Variants in RANBP2 observed in about 807,000 individuals in gnomAD.
RANBP2 encodes RAN binding protein 2.
In RANBP2, 57 loss-of-function variants were observed where a neutral mutation model predicts 303.6. The ratio of observed to expected loss-of-function variants is 0.19; its 90% CI spans 0.15 to 0.23. The LOEUF (loss-of-function observed/expected upper bound fraction) is 0.23, where lower values mean the gene tolerates loss of function less well. Ranked by LOEUF, RANBP2 falls within the 10% of genes least tolerant of loss-of-function variation. The pLI, the probability that RANBP2 is intolerant of heterozygous loss-of-function variation, is 1.00. For synonymous variants in RANBP2, 1,167 were observed against 1,301.5 expected (o/e 0.90, Z 2.23); for missense variants, 3,138 against 3,780.8 (o/e 0.83, Z 4.46).
At chr2:109,111,826 C>T in the RANBP2 span, among the ~76,000 whole-genome samples, 1 of 143,158 alleles carries the variant, frequency 7.0e-6, no homozygotes, top group Admixed American at 7.1e-5. Context: ...TGTTCCCCTT[C>T]CTGTGTCCAT....
the RANBP2 span, among the ~76,000 whole-genome samples, chr2:109,381,864 A>G: frequency 6.6e-6 from 1 of 152,098 alleles, no homozygotes; most frequent in Non-Finnish European, 1.5e-5. Context: ...AAAGCTGTGC[A>G]TGTTTATAAG....
At chr2:108,753,714 G>A (rs1676085873) in intron 14 of RANBP2, 111 bp from the exon 15 acceptor site, 1 of 1,586,812 alleles carries the variant, frequency 6.3e-7, no homozygotes, top group Admixed American at 1.8e-5. Flanking sequence ...CGATTCTTGT[G>A]CCTCAGCTCC....
chr2:108,765,971 A>C lies in RANBP2; in HGVS notation c.5432A>C (p.His1811Pro), dbSNP rs774595760. ...GCTTGTGATGCCTCTAAACCAACTCATAAACCTATTGCAGAAGCTCCTTCA... is the reference window on the plus strand; with the variant it reads ...GCTTGTGATGCCTCTAAACCAACTCCTAAACCTATTGCAGAAGCTCCTTCA... ...CVACDASKPT[H>P]KPIAEAPSAF... is the part of the protein sequence containing the mutation. The change falls in exon 20 of 29, where the codon CAT becomes CCT. Residue 1811 changes from histidine to proline, a missense_variant. Transcript: ENST00000283195. 3.7e-6 allele frequency: 6 copies of C among 1,614,058 alleles called. No individual in the cohort carries two copies. The African/African-American group carries it at 8.0e-5, about 22-fold the overall frequency.
At chr2:108,773,177 G>T (rs1282504830) in intron 23 of RANBP2, 131 bp downstream of exon 23, 1 of 944,692 alleles carries the variant, frequency 1.1e-6, no homozygotes, top group Non-Finnish European at 1.6e-6. Context: ...GAGTGCAATG[G>T]CATGCTCGTG....
chr2:109,575,585 C>T, the RANBP2 span, among the ~76,000 whole-genome samples: 3 of 152,184 alleles, frequency 2.0e-5, no homozygotes, highest in Admixed American at 1.3e-4. Flanking sequence ...TAATGCTGTT[C>T]CAAGAATGGT....
At chr2:108,797,728 C>T in the RANBP2 span, among the ~76,000 whole-genome samples, 1 of 152,098 alleles carries the variant, frequency 6.6e-6, no homozygotes, top group Non-Finnish European at 1.5e-5. Context: ...TTTTCTTATG[C>T]TGTCTTCTGT....
the RANBP2 span, chr2:108,798,610 A>C: frequency 2.7e-4 from 406 of 1,524,758 alleles, 2 homozygotes; most frequent in African/African-American, 4.9e-3. Context: ...CTTTGATTTT[A>C]GAGTGGTATA....
the RANBP2 span, among the ~76,000 whole-genome samples, chr2:109,598,566 G>A: frequency 6.6e-6 from 1 of 152,034 alleles, no homozygotes; most frequent in African/African-American, 2.4e-5. Flanking sequence ...CGGGAGGCCG[G>A]GCGTGGTGGC....
the RANBP2 span, among the ~76,000 whole-genome samples, chr2:109,006,224 C>T: frequency 5.3e-5 from 8 of 151,838 alleles, no homozygotes; most frequent in African/African-American, 1.7e-4. Context: ...GACAGAGTCT[C>T]GCACTGTCGC....
the RANBP2 span, among the ~76,000 whole-genome samples, chr2:109,056,862 C>T: frequency 3.9e-5 from 6 of 152,290 alleles, no homozygotes; most frequent in Middle Eastern, 3.4e-3. Flanking sequence ...ACATGGTCCT[C>T]CCAAGACCAA....
Position 108,772,504 on chromosome 2 carries a change from C to T in RANBP2, c.8036C>T (p.Thr2679Ile). The T allele has an allele frequency of 6.2e-7, 1 of 1,613,280 alleles. No homozygotes were observed. The highest frequency in any genetic ancestry group is 1.1e-5 in the South Asian group (1 of 90,998). ...EEEEDDEDFE[T>I]AVKKLNGKLY... ...GTATTTTAAGATGAAGATTTCGAAACAGCTGTCAAGAAACTTAATGGAAAA... is the reference window on the plus strand; with the variant it reads ...GTATTTTAAGATGAAGATTTCGAAATAGCTGTCAAGAAACTTAATGGAAAA... The change falls in exon 22 of 29, where the codon ACA (threonine) becomes ATA (isoleucine). Residue 2679 changes from threonine to isoleucine, a missense_variant. Around this residue, in one of 20 missense-constraint regions of RANBP2, gnomAD observed 497 missense variants for 465.8 expected, o/e 1.07. Transcript: ENST00000283195.
chr2:109,534,469 C>T, the RANBP2 span, among the ~76,000 whole-genome samples: 1 of 152,184 alleles, frequency 6.6e-6, no homozygotes, highest in Non-Finnish European at 1.5e-5. Context: ...ATTTATATTT[C>T]AGCCAATGCT....
the RANBP2 span, among the ~76,000 whole-genome samples, chr2:109,339,689 A>G: frequency 9.9e-5 from 15 of 152,194 alleles, no homozygotes; most frequent in Admixed American, 9.8e-4. Context: ...GGACTTGCTC[A>G]AGTACTCCTC....
the RANBP2 span, among the ~76,000 whole-genome samples, chr2:109,019,485 A>G: frequency 6.6e-6 from 1 of 152,176 alleles, no homozygotes; most frequent in African/African-American, 2.4e-5. Flanking sequence ...TAGGAAGGTG[A>G]TAAGTAGGGC....
At chr2:108,751,148 A>G in intron 9 of RANBP2, 116 bp from the exon 10 acceptor site, 1 of 1,515,064 alleles carries the variant, frequency 6.6e-7, no homozygotes, top group Admixed American at 2.0e-5. Context: ...CAGCTTTGAT[A>G]TAGAAAAGCA....
At chr2:109,065,485 C>G in the RANBP2 span, among the ~76,000 whole-genome samples, 2 of 152,156 alleles carry the variant, frequency 1.3e-5, no homozygotes, top group African/African-American at 2.4e-5. Flanking sequence ...GAGGAATCAG[C>G]CCTCGTTCAG....
the RANBP2 span, chr2:108,812,498 A>T: frequency 3.1e-6 from 2 of 653,550 alleles, no homozygotes; most frequent in South Asian, 2.0e-5. Flanking sequence ...GATCTAAGTT[A>T]ATCATGAATG....
chr2:108,848,111 T>C, the RANBP2 span, among the ~76,000 whole-genome samples: 1 of 152,184 alleles, frequency 6.6e-6, no homozygotes, highest in African/African-American at 2.4e-5. Context: ...AATATTAGTA[T>C]CAAGAATTTG....
chr2:108,719,712 C>G lies in RANBP2; in HGVS notation c.72+34C>G, dbSNP rs572496576. On this transcript the variant is annotated intron_variant, in intron 1 of 28. Transcript: ENST00000283195. ...GTCTCGAAGAGACCGACGGCCTCGA[C>G]CTGGCCGGGCGGCGGCCTCGCGCTG... 4.4e-5 allele frequency: 69 copies of G among 1,566,804 alleles called. 1 individual carries two copies. In the South Asian group the frequency reaches 7.3e-4, roughly 16 times the overall value.
Sources: gnomAD v4.1 joint callset for allele counts (sites outside exome capture counted in the v4.1 genomes callset) on GRCh38, gnomAD v4.1.1 for gene constraint, gnomAD v4.1.1 regional missense constraint, MANE v1.5 for transcripts, NCBI Gene and HGNC (gene_info 2026-07-23, HGNC 2026-07-21) for gene names.